HECW2: variants seen among roughly 807,000 people sequenced by gnomAD.
HECW2 encodes E3 ubiquitin-protein ligase HECW2.
Under a neutral mutation model 175.2 loss-of-function variants are expected in HECW2, and 61 were observed. The ratio of observed to expected loss-of-function variants is 0.35; its 90% CI spans 0.28 to 0.43. The LOEUF (loss-of-function observed/expected upper bound fraction) is 0.43. Ranked by LOEUF, HECW2 falls within the 20% of genes least tolerant of loss-of-function variation. The pLI is 1.00. For synonymous variants in HECW2, 671 were observed against 731.0 expected (o/e 0.92, Z 1.32); for missense variants, 1,524 against 2,000.5 (o/e 0.76, Z 4.54).
chr2:196,299,991 A>G (rs1027368465), intron 13 of HECW2, among the ~76,000 whole-genome samples: 14 of 152,244 alleles, frequency 9.2e-5, no homozygotes, highest in African/African-American at 3.4e-4. Context: ...TCCAGTCTCT[A>G]CTTGAAACAA....
chr2:196,461,518 C>A (rs1696742613), intron 1 of HECW2, among the ~76,000 whole-genome samples: 1 of 152,196 alleles, frequency 6.6e-6, no homozygotes, highest in Non-Finnish European at 1.5e-5. Flanking sequence ...GAAAACATAT[C>A]CACACAAAGA....
At chr2:196,458,424 C>CTCT (rs1575564309) in intron 1 of HECW2, among the ~76,000 whole-genome samples, 1 of 141,526 alleles carries the variant, frequency 7.1e-6, no homozygotes, top group Non-Finnish European at 1.6e-5. Flanking sequence ...TCTCTCTCTC[C>CTCT]CTCTCACTCA....
Position 196,515,004 on chromosome 2 carries a change from G to A in HECW2, c.-36+78504C>T, listed in dbSNP as rs920875073. The stretch of plus-strand genomic sequence containing the variant: ...CGGCCCTTTAGGGAGCCCAGACCTA[G>A]GGACTCCCCAAGCCAGGGCTGTGAC... On this transcript the variant is annotated intron_variant, in intron 1 of 28. Transcript: ENST00000644978. Among the ~76,000 whole-genome samples the A allele has an allele frequency of 2.0e-5, 3 of 152,234 alleles. No individual in the cohort carries two copies. The East Asian group carries it at 5.8e-4, about 29-fold the overall frequency.
intron 13 of HECW2, among the ~76,000 whole-genome samples, chr2:196,302,836 A>G (rs1691115548): frequency 6.6e-6 from 1 of 152,204 alleles, no homozygotes; most frequent in Non-Finnish European, 1.5e-5. Context: ...GGTTTTCTAG[A>G]TGTAGAATCA....
rs1237063768 is a variant in HECW2, at chr2:196,455,025, C to G, written c.-35-21567G>C. 3.3e-5 allele frequency among the ~76,000 whole-genome samples: 5 copies of G among 151,598 alleles called. No homozygotes were observed. In the South Asian group the frequency reaches 1.0e-3, roughly 32 times the overall value. On this transcript the variant is annotated intron_variant, in intron 1 of 28. Coordinates refer to ENST00000644978, the MANE Select transcript of HECW2 (RefSeq NM_001348768.2). ...GATTATTTCTGGGATTGACCACAGA[C>G]CCTTTTACTTAATTTTTTTTTTTTT...
At chr2:196,343,503 G>A (rs1692838083) in intron 3 of HECW2, among the ~76,000 whole-genome samples, 154 bp downstream of exon 3, 2 of 152,064 alleles carry the variant, frequency 1.3e-5, no homozygotes, top group Non-Finnish European at 2.9e-5. Context: ...ATTCTTTACT[G>A]AGCATTTTCT....
intron 2 of HECW2, among the ~76,000 whole-genome samples, chr2:196,396,899 CAGG>C (rs1221027908): frequency 1.3e-5 from 2 of 151,760 alleles, no homozygotes; most frequent in African/African-American, 2.4e-5. Context: ...ATCACGAGGT[CAGG>C]AGATTGAGAC....
chr2:196,436,166 C>T (rs138676897), intron 1 of HECW2, among the ~76,000 whole-genome samples: 3,456 of 152,148 alleles, frequency 0.023, 45 homozygotes, highest in Non-Finnish European at 0.035. Context: ...TTTGGGAGGC[C>T]GACGCAGGCG....
chr2:196,461,471 C>T (rs74905037), intron 1 of HECW2, among the ~76,000 whole-genome samples: 1,633 of 152,278 alleles, frequency 0.011, 32 homozygotes, highest in African/African-American at 0.037. Flanking sequence ...CCATGCCATT[C>T]GGCTTTTCCA....
At chr2:196,370,863 C>T (rs6745797) in intron 2 of HECW2, among the ~76,000 whole-genome samples, 110,938 of 152,052 alleles carry the variant, frequency 0.73, 42,225 homozygotes, top group East Asian at 0.98. Flanking sequence ...CCTAAGCGCA[C>T]AGATTCTCTC....
At chr2:196,427,226 G>C (rs1469611286) in intron 2 of HECW2, among the ~76,000 whole-genome samples, 1 of 152,170 alleles carries the variant, frequency 6.6e-6, no homozygotes, top group Non-Finnish European at 1.5e-5. Context: ...TCTGTTCACA[G>C]ATCAGTAACA....
In HECW2 at chr2:196,322,577, T is replaced by G. The variant is rs1226327631; in HGVS notation, c.785A>C (p.Glu262Ala). Residue 262 changes from glutamate (E) to alanine (A), a missense_variant, in exon 7 of 29, where the codon GAA becomes GCA. By Grantham distance (107) the Glu-to-Ala change is moderately radical. Around this residue, in one of 11 missense-constraint regions of HECW2, gnomAD observed 95 missense variants for 136.8 expected, o/e 0.69. Transcript: ENST00000644978. ...FALLTDVLEI[E>A]IKDKFAKSRP... ...GCTCTTGGCAAATTTGTCTTTAATT[T>G]CAATTTCTAAGACATCAGTAAGAAG... is the stretch of plus-strand genomic sequence containing the variant. The G allele has an allele frequency of 6.2e-7, 1 of 1,613,728 alleles. No individual in the cohort carries two copies. The highest frequency in any genetic ancestry group is 1.3e-5 in the African/African-American group (1 of 75,042).
chr2:196,366,792 C>G (rs1331612419), intron 2 of HECW2, among the ~76,000 whole-genome samples: 1 of 152,170 alleles, frequency 6.6e-6, no homozygotes, highest in South Asian at 2.1e-4. Context: ...GGTTTAAATA[C>G]AATCCCCCTT....
intron 2 of HECW2, among the ~76,000 whole-genome samples, chr2:196,399,864 C>T (rs1401106671): frequency 6.6e-6 from 1 of 152,146 alleles, no homozygotes; most frequent in East Asian, 1.9e-4. Flanking sequence ...ACTGACATTT[C>T]CTAGGTGAGG....
At chr2:196,566,351 C>T (rs978878015) in intron 1 of HECW2, among the ~76,000 whole-genome samples, 6 of 150,702 alleles carry the variant, frequency 4.0e-5, no homozygotes, top group Non-Finnish European at 7.4e-5. Flanking sequence ...TTTAGGTCTG[C>T]GCCTTTTACT....
chr2:196,224,599 T>A (rs1036309810), intron 23 of HECW2, among the ~76,000 whole-genome samples: 2 of 151,918 alleles, frequency 1.3e-5, no homozygotes, highest in Non-Finnish European at 2.9e-5. Context: ...GAATAAATGG[T>A]GGCGGGTGTG....
At chr2:196,467,797 A>G (rs1412854506) in intron 1 of HECW2, among the ~76,000 whole-genome samples, 3 of 152,198 alleles carry the variant, frequency 2.0e-5, no homozygotes, top group African/African-American at 7.2e-5. Flanking sequence ...TTCTTACTAA[A>G]TAAATGTCAT....
intron 21 of HECW2, among the ~76,000 whole-genome samples, chr2:196,235,742 G>A (rs1037009846): frequency 3.5e-4 from 47 of 133,200 alleles, no homozygotes; most frequent in African/African-American, 1.2e-3. Context: ...TGCAAGCTCC[G>A]CCTCCTGGGT....
At chr2:196,473,764 T>G (rs573752973) in intron 1 of HECW2, among the ~76,000 whole-genome samples, 5 of 152,264 alleles carry the variant, frequency 3.3e-5, no homozygotes, top group African/African-American at 1.2e-4. Flanking sequence ...AAAAAGATAA[T>G]AAATCACTTG....
Sources: gnomAD v4.1 joint callset for allele counts (sites outside exome capture counted in the v4.1 genomes callset) on GRCh38, gnomAD v4.1.1 for gene constraint, gnomAD v4.1.1 regional missense constraint, MANE v1.5 for transcripts, NCBI Gene and HGNC (gene_info 2026-07-23, HGNC 2026-07-21) for gene names.